SQOR: variants seen among roughly 807,000 people sequenced by gnomAD.
SQOR encodes sulfide quinone oxidoreductase.
A neutral mutation model predicts 48.6 loss-of-function variants in SQOR; 39 were observed. The observed-to-expected ratio is 0.80, with a 90% confidence interval of 0.62 to 1.05. The LOEUF (loss-of-function observed/expected upper bound fraction) is 1.05, where lower values mean the gene tolerates loss of function less well. Ranked by LOEUF, SQOR falls within the 50% of genes least tolerant of loss-of-function variation. The pLI is 0.00. For missense variants in SQOR, 561 were observed against 559.9 expected (o/e 1.00, Z -0.02); for synonymous variants, 220 against 206.2 (o/e 1.07, Z -0.57).
intron 1 of SQOR, among the ~76,000 whole-genome samples, chr15:45,656,771 A>G (rs997477730): frequency 3.9e-5 from 6 of 152,204 alleles, no homozygotes; most frequent in African/African-American, 1.4e-4. Context: ...TCTAATTTGT[A>G]TCCTGATCAT....
intron 3 of SQOR, among the ~76,000 whole-genome samples, chr15:45,665,766 T>C (rs1889805523): frequency 6.6e-6 from 1 of 152,180 alleles, no homozygotes; most frequent in Non-Finnish European, 1.5e-5. Context: ...GTGTTTTTAG[T>C]AGAGACAGGG....
chr15:45,661,044 G>A (rs929710210), intron 2 of SQOR, among the ~76,000 whole-genome samples: 1 of 152,096 alleles, frequency 6.6e-6, no homozygotes, highest in African/African-American at 2.4e-5. Context: ...CACTTTGAGA[G>A]GCTGAGGAAG....
chr15:45,642,343 A>T (rs987008887), intron 1 of SQOR, among the ~76,000 whole-genome samples: 1 of 152,200 alleles, frequency 6.6e-6, no homozygotes, highest in African/African-American at 2.4e-5. Context: ...TCCAGCCAAG[A>T]GTTTCCATGT....
chr15:45,650,207 T>C (rs975749563), intron 1 of SQOR, among the ~76,000 whole-genome samples: 7 of 152,168 alleles, frequency 4.6e-5, no homozygotes, highest in Non-Finnish European at 8.8e-5. Flanking sequence ...TGGCATGATC[T>C]TGACTCATTG....
At chr15:45,661,289 T>TAGAAAAAAAAAAAAAAA (rs777334925) in intron 2 of SQOR, among the ~76,000 whole-genome samples, 11 of 84,376 alleles carry the variant, frequency 1.3e-4, no homozygotes, top group African/African-American at 5.0e-4. Context: ...AGACTCTGTC[T>TAGAAAAAAAAAAAAAAA]TAAAAAAAAA....
At chr15:45,633,656 T>C (rs1894939646), upstream of SQOR, among the ~76,000 whole-genome samples, 1 of 138,674 alleles carries the variant, frequency 7.2e-6, no homozygotes, top group Non-Finnish European at 1.5e-5. Flanking sequence ...ATCACACCAC[T>C]GCACTCCAGC....
chr15:45,690,737 T>G (rs569505191), intron 9 of SQOR, among the ~76,000 whole-genome samples: 28 of 152,318 alleles, frequency 1.8e-4, no homozygotes, highest in Admixed American at 1.6e-3. Context: ...TTAGACACAT[T>G]TGCCAAATTG....
chr15:45,680,322 G>A (rs1456477366), intron 6 of SQOR, among the ~76,000 whole-genome samples: 1 of 152,090 alleles, frequency 6.6e-6, no homozygotes, highest in Non-Finnish European at 1.5e-5. Context: ...TCAAACTCCT[G>A]GGCTCAAGTG....
At chr15:45,637,564 G>A (rs1230823729) in intron 1 of SQOR, among the ~76,000 whole-genome samples, 1 of 152,154 alleles carries the variant, frequency 6.6e-6, no homozygotes, top group Non-Finnish European at 1.5e-5. Flanking sequence ...AAATGACTTT[G>A]TTTAAATTTG....
At chr15:45,639,504 C>G (rs1288353963) in intron 1 of SQOR, among the ~76,000 whole-genome samples, 2 of 152,206 alleles carry the variant, frequency 1.3e-5, no homozygotes, top group East Asian at 3.8e-4. Flanking sequence ...CTGGCCCTAG[C>G]TACATGAATG....
At chr15:45,635,354 G>A (rs147640546) in intron 1 of SQOR, among the ~76,000 whole-genome samples, 1 of 152,226 alleles carries the variant, frequency 6.6e-6, no homozygotes. Flanking sequence ...GAGCCTCAGG[G>A]CCGCGGAGAG....
chr15:45,658,809 G>A (rs1889663620), intron 1 of SQOR, 98 bp from the exon 2 acceptor site: 15 of 937,740 alleles, frequency 1.6e-5, no homozygotes, highest in South Asian at 9.5e-5. Flanking sequence ...CAGCTGGAGC[G>A]GGCCAGATGC....
rs1890031383 is a variant in SQOR, at chr15:45,676,116, A to C, written c.670A>C (p.Lys224Gln). 1 of 1,613,900 alleles carries C rather than the reference A, an allele frequency of 6.2e-7. No homozygotes were observed. The highest frequency in any genetic ancestry group is 8.5e-7 in the Non-Finnish European group (1 of 1,179,982). The stretch of plus-strand genomic sequence containing the variant: ...TTTTTCTCAGACAGGGAAGCGATCC[A>C]AGGCCAATATCATTTTCAACACTTC... ...AYFRKTGKRSKANIIFNTSLG... is the reference protein window; with the variant it reads ...AYFRKTGKRSQANIIFNTSLG... The change falls in exon 6 of 10, where the codon AAG becomes CAG. Residue 224 changes from lysine (K) to glutamine (Q), a missense_variant. Coordinates refer to ENST00000260324, the MANE Select transcript of SQOR (RefSeq NM_021199.4).
chr15:45,661,850 A>G (rs538319769), intron 2 of SQOR, 105 bp from the exon 3 acceptor site: 3 of 1,205,598 alleles, frequency 2.5e-6, no homozygotes, highest in Non-Finnish European at 3.4e-6. Context: ...CGATGCTCTA[A>G]AGGTCAGGAG....
chr15:45,639,643 C>T (rs1384604245), intron 1 of SQOR, among the ~76,000 whole-genome samples: 1 of 152,206 alleles, frequency 6.6e-6, no homozygotes, highest in Non-Finnish European at 1.5e-5. Flanking sequence ...GCTATTTGTT[C>T]TAAGGTAGCC....
intron 4 of SQOR, among the ~76,000 whole-genome samples, chr15:45,671,772 T>A (rs1889948884): frequency 6.6e-6 from 1 of 152,160 alleles, no homozygotes. Context: ...AGCCTCTTTC[T>A]CAGGCCAGCT....
chr15:45,676,065 A>G lies in SQOR; in HGVS notation c.655-36A>G, dbSNP rs770256735. 4 of 1,562,156 alleles carry G rather than the reference A, an allele frequency of 2.6e-6. No individual in the cohort carries two copies. The African/African-American group carries it at 5.6e-5, about 22-fold the overall frequency. ...AAAAAAAAAAAAGGCAGCTGCAGTC[A>G]TGCTTTGGTGTGAATGGTTTTCTTA... is the stretch of plus-strand genomic sequence containing the variant. On this transcript the variant is annotated intron_variant, in intron 5 of 9. Transcript: ENST00000260324.
At chr15:45,644,286 A>G (rs961905457) in intron 1 of SQOR, among the ~76,000 whole-genome samples, 21 of 152,092 alleles carry the variant, frequency 1.4e-4, no homozygotes, top group Admixed American at 1.4e-3. Context: ...GGGTTTCACC[A>G]TGTTGGCCAG....
intron 8 of SQOR, among the ~76,000 whole-genome samples, 155 bp from the exon 9 acceptor site, chr15:45,688,884 T>G (rs954173655): frequency 1.3e-5 from 2 of 152,180 alleles, no homozygotes; most frequent in Non-Finnish European, 2.9e-5. Context: ...CTATTTTTTT[T>G]GTAATATAAT....
Sources: allele counts gnomAD v4.1 joint callset (sites outside exome capture counted in the v4.1 genomes callset), GRCh38; gene constraint gnomAD v4.1.1; transcripts MANE v1.5; gene names NCBI Gene and HGNC (gene_info 2026-07-23, HGNC 2026-07-21).